The following FECH variants were observed in gnomAD, a reference collection of about 807,000 sequenced individuals.
FECH encodes ferrochelatase, mitochondrial.
In FECH, 40 loss-of-function variants were observed where a neutral mutation model predicts 56.9. The observed-to-expected ratio is 0.70, with a 90% CI of 0.55 to 0.92. The LOEUF is 0.92. FECH is among the 40% of genes least tolerant of loss of function. The probability of loss-of-function intolerance (pLI) is 0.00; values close to 1 mark genes in which losing one functional copy is unlikely to be tolerated. For missense variants in FECH, 431 were observed against 529.1 expected (o/e 0.81, Z 1.82); for synonymous variants, 175 against 198.6 (o/e 0.88, Z 1.00).
At chr18:57,566,360 A>G in intron 5 of FECH, 87 bp downstream of exon 5, 15 of 1,546,346 alleles carry the variant, frequency 9.7e-6, no homozygotes, top group Non-Finnish European at 1.3e-5. Context: ...ATTGCAAATA[A>G]TTCATCCTTC....
intron 7 of FECH, among the ~76,000 whole-genome samples, chr18:57,556,522 C>T (rs1474890456): frequency 6.6e-6 from 1 of 152,128 alleles, no homozygotes; most frequent in African/African-American, 2.4e-5. Context: ...GCCAATGATG[C>T]ATCACCGCAA....
At chr18:57,568,719 G>A (rs1394498514) in intron 4 of FECH, among the ~76,000 whole-genome samples, 3 of 152,182 alleles carry the variant, frequency 2.0e-5, no homozygotes, top group Non-Finnish European at 4.4e-5. Context: ...CTAAAAGACA[G>A]AGAAACTAGA....
In FECH at chr18:57,571,473, C is replaced by T. The variant is rs1229451250; in HGVS notation, c.382G>A (p.Gly128Ser). The change falls in exon 4 of 11, where the codon GGC (glycine) becomes AGC (serine). Residue 128 changes from glycine (G) to serine (S), a missense_variant. Coordinates refer to ENST00000262093, the MANE Select transcript of FECH (RefSeq NM_000140.5). ...GTCCATATCTTGATGGGGGATCCGC[C>T]TCCAATCCTGCGGTACTGCTCTTGA... ...KIQEQYRRIG[G>S]GSPIKIWTSK... The T allele has an allele frequency of 1.1e-5, 17 of 1,613,876 alleles. No homozygotes were observed. Among genetic ancestry groups the T allele is most frequent in the Non-Finnish European group, 1.4e-5 (17 of 1,180,004 alleles).
intron 7 of FECH, among the ~76,000 whole-genome samples, chr18:57,558,332 T>C (rs532931576): frequency 6.6e-6 from 1 of 152,354 alleles, no homozygotes; most frequent in African/African-American, 2.4e-5. Context: ...GATTGTAGCA[T>C]CTGGATGAAT....
intron 4 of FECH, among the ~76,000 whole-genome samples, chr18:57,570,040 T>TC (rs2051079162): frequency 2.4e-5 from 2 of 83,188 alleles, no homozygotes; most frequent in African/African-American, 8.2e-5. Context: ...GTCGTGTGTG[T>TC]GTGTGTGTGT....
At position 57,547,097 on chromosome 18, in the gene FECH, C is replaced by G. The variant is rs1489802338; in HGVS notation, c.*3615G>C. Among the ~76,000 whole-genome samples the G allele has an allele frequency of 6.6e-6, 1 of 152,032 alleles. No homozygotes were observed. ...TTGGAATGGGAACATTTACCAATGT[C>G]TGTACTCCCATTGTATCTTGGAAGT... On this transcript the variant is annotated 3_prime_UTR_variant, in exon 11 of 11. Coordinates refer to ENST00000262093, the MANE Select transcript of FECH (RefSeq NM_000140.5).
rs1425764045 is a variant in FECH at position 57,545,651 on chromosome 18, A to G, written c.*5061T>C. ...CCATTCAACAAATATTAGCAGCATC[A>G]ATTTACTTCTCTGAAGCACCTGCAG... On this transcript the variant is annotated 3_prime_UTR_variant, in exon 11 of 11. Transcript: ENST00000262093. Among the ~76,000 whole-genome samples, 1 of 152,198 alleles carries G rather than the reference A, an allele frequency of 6.6e-6. No individual in the cohort carries two copies. The highest frequency in any genetic ancestry group is 2.4e-5 in the African/African-American group (1 of 41,450).
rs922778937 is a variant in FECH, at chr18:57,546,261, C to G, written c.*4451G>C. Reference sequence around the variant, plus strand: ...ATGCACCTGTGCCTTCACGTGCCCCCGTGCGCACACATAGACGTTCGCTTA... The same window carrying G: ...ATGCACCTGTGCCTTCACGTGCCCCGGTGCGCACACATAGACGTTCGCTTA... On this transcript the variant is annotated 3_prime_UTR_variant, in exon 11 of 11. Transcript: ENST00000262093. 6.6e-6 allele frequency among the ~76,000 whole-genome samples: 1 copy of G among 152,176 alleles called. No individual in the cohort carries two copies. The highest frequency in any genetic ancestry group is 2.1e-4 in the South Asian group (1 of 4,824).
At position 57,550,820 on chromosome 18, in the gene FECH, G is replaced by A. The variant is rs1251198334; in HGVS notation, c.1164C>T (p.His388=). Residue 388 remains histidine, a synonymous_variant, in exon 11 of 11, where the codon CAC becomes CAT. Coordinates refer to ENST00000262093, the MANE Select transcript of FECH (RefSeq NM_000140.5). Reference sequence around the variant, plus strand: ...TGGAACACAGCTCGTTTGACTGGATGTGTGAATGCACCAAGTCGGCCAGGG... The same window carrying A: ...TGGAACACAGCTCGTTTGACTGGATATGTGAATGCACCAAGTCGGCCAGGG... ...SKALADLVHS[H]IQSNELCSKQ... 3.7e-6 allele frequency: 6 copies of A among 1,614,070 alleles called. No homozygotes were observed. Among genetic ancestry groups the A allele is most frequent in the Non-Finnish European group, 5.1e-6 (6 of 1,180,030 alleles).
intron 5 of FECH, among the ~76,000 whole-genome samples, chr18:57,564,632 T>C (rs1202834111): frequency 6.6e-6 from 1 of 152,122 alleles, no homozygotes; most frequent in African/African-American, 2.4e-5. Context: ...GATAAACAGG[T>C]TCAATTTTGG....
chr18:57,561,537 G>C (rs1332794242), intron 6 of FECH, among the ~76,000 whole-genome samples: 1 of 152,156 alleles, frequency 6.6e-6, no homozygotes. Context: ...AAGAGGCACC[G>C]AGCCTCTCAG....
At chr18:57,553,529 G>A (rs897148507) in intron 9 of FECH, among the ~76,000 whole-genome samples, 5 of 152,156 alleles carry the variant, frequency 3.3e-5, no homozygotes, top group African/African-American at 4.8e-5. Flanking sequence ...GGGTCCCAAC[G>A]CTTCCACACT....
intron 6 of FECH, among the ~76,000 whole-genome samples, chr18:57,561,903 A>C (rs1244154159): frequency 6.6e-6 from 1 of 152,186 alleles, no homozygotes; most frequent in Non-Finnish European, 1.5e-5. Flanking sequence ...CCCACCCCTA[A>C]GGGTAAGCTC....
chr18:57,551,468 G>T, intron 9 of FECH, 94 bp from the exon 10 acceptor site: 1 of 904,788 alleles, frequency 1.1e-6, no homozygotes, highest in Admixed American at 2.0e-5. Flanking sequence ...AATACACACA[G>T]ATACACACAC....
rs2050908576 is a variant in FECH, at chr18:57,559,184, C to T, written c.765G>A (p.Glu255=). The change falls in exon 7 of 11, where the codon GAG becomes GAA. Residue 255 remains glutamate (E), a synonymous_variant. Coordinates refer to ENST00000262093, the MANE Select transcript of FECH (RefSeq NM_000140.5). The part of the protein sequence containing the change: ...LDHFPLEKRS[E]VVILFSAHSL... ...AGTGAGCAGAAAACAGAATGACCAC[C>T]TCGCTTCTCTTCTCAAGTGGAAAAT... 1 of 1,613,830 alleles carries T rather than the reference C, an allele frequency of 6.2e-7. No individual in the cohort carries two copies.
intron 6 of FECH, among the ~76,000 whole-genome samples, chr18:57,560,304 TACAC>T (rs1163342437): frequency 2.0e-5 from 3 of 152,128 alleles, no homozygotes; most frequent in African/African-American, 4.8e-5. Flanking sequence ...CACACATACA[TACAC>T]ACACACGGGG....
intron 7 of FECH, among the ~76,000 whole-genome samples, chr18:57,557,566 G>A (rs2050884746): frequency 6.6e-6 from 1 of 152,206 alleles, no homozygotes; most frequent in East Asian, 1.9e-4. Flanking sequence ...CACTTTGGGA[G>A]GCCAAGGTGA....
intron 1 of FECH, among the ~76,000 whole-genome samples, chr18:57,582,024 A>C (rs1302804619): frequency 6.8e-6 from 1 of 147,914 alleles, no homozygotes; most frequent in Admixed American, 6.9e-5. Context: ...AAAAAATTCA[A>C]TTCCAAGGCT....
intron 7 of FECH, 101 bp downstream of exon 7, chr18:57,559,044 G>A: frequency 1.2e-6 from 1 of 812,782 alleles, no homozygotes; most frequent in Non-Finnish European, 2.2e-6. Flanking sequence ...TCTTGCACTG[G>A]GCTTAGGACA....
Sources: gnomAD v4.1 joint callset for allele counts (sites outside exome capture counted in the v4.1 genomes callset) on GRCh38, gnomAD v4.1.1 for gene constraint, MANE v1.5 for transcripts, NCBI Gene and HGNC (gene_info 2026-07-23, HGNC 2026-07-21) for gene names.